Variants in ANXA10 observed in about 807,000 individuals in gnomAD.
ANXA10 encodes the protein annexin A10.
A neutral mutation model predicts 53.5 loss-of-function variants in ANXA10; 49 were observed. The ratio of observed to expected loss-of-function variants is 0.92; its 90% CI spans 0.73 to 1.16. The LOEUF (loss-of-function observed/expected upper bound fraction) is 1.16, where lower values mean the gene tolerates loss of function less well. Among genes scored for constraint, ANXA10 ranks in the 50% most tolerant of loss-of-function variants. The pLI is 0.00. For missense variants in ANXA10, 393 were observed against 394.4 expected, an observed-to-expected ratio of 1.00 and a Z score of 0.03; for synonymous variants, 131 against 128.9, an observed-to-expected ratio of 1.02 and a Z score of -0.11.
intron 1 of ANXA10, among the ~76,000 whole-genome samples, chr4:168,103,310 G>A (rs77965999): frequency 3.3e-5 from 5 of 151,730 alleles, no homozygotes; most frequent in Non-Finnish European, 5.9e-5. Flanking sequence ...TTCTATTAAG[G>A]TCTATGACAA....
chr4:168,092,601 G>T lies in ANXA10; in HGVS notation c.-100G>T, dbSNP rs1348065471. 4 of 1,202,288 alleles carry T rather than the reference G, an allele frequency of 3.3e-6. No individual in the cohort carries two copies. The highest frequency in any genetic ancestry group is 1.3e-5 in the South Asian group (1 of 74,222). 74.5% of individuals were successfully genotyped at this position (1,202,288 alleles called of 1,614,324 possible). A position where few individuals can be genotyped will look rare whatever the true frequency, so the allele number is the denominator to read the frequency against. ...GTGAACAGTGAACATATTTACATTT[G>T]ATTTAACAGTGAACCTTAATTCTTT... On this transcript the variant is annotated 5_prime_UTR_variant, in exon 1 of 12. Transcript: ENST00000359299.
chr4:168,156,047 T>C (rs184669402), intron 3 of ANXA10, among the ~76,000 whole-genome samples: 1,278 of 50,368 alleles, frequency 0.025, 51 homozygotes, highest in African/African-American at 0.094. Context: ...TTATATTATA[T>C]ATTATATATT....
chr4:168,145,123 A>C (rs1731385964), intron 3 of ANXA10, among the ~76,000 whole-genome samples: 1 of 152,104 alleles, frequency 6.6e-6, no homozygotes. Context: ...GGGCCGCAAG[A>C]CCAGATGAGC....
At chr4:168,127,573 A>G (rs1359409426) in intron 1 of ANXA10, among the ~76,000 whole-genome samples, 2 of 152,008 alleles carry the variant, frequency 1.3e-5, no homozygotes, top group African/African-American at 4.8e-5. Context: ...TCAAGAAGAT[A>G]TATATTATTA....
At position 168,098,768 on chromosome 4, in the gene ANXA10, T is replaced by A; in HGVS notation, c.18+6050T>A. ...TACTTTTATTTATGTCCTCTAGACA[T>A]TCTGGGTAATTATGCTGGAAGGAAC... On this transcript the variant is annotated intron_variant, in intron 1 of 11. Coordinates refer to ENST00000359299, the MANE Select transcript of ANXA10 (RefSeq NM_007193.5). Among the ~76,000 whole-genome samples, 2 of 151,968 alleles carry A rather than the reference T, an allele frequency of 1.3e-5. 1 individual carries two copies. The highest frequency in any genetic ancestry group is 2.9e-5 in the Non-Finnish European group (2 of 67,978).
At chr4:168,149,539 G>GT (rs1450117748) in intron 3 of ANXA10, among the ~76,000 whole-genome samples, 1 of 152,030 alleles carries the variant, frequency 6.6e-6, no homozygotes, top group African/African-American at 2.4e-5. Context: ...TTGTTGCAGA[G>GT]TCCACTATAT....
At chr4:168,173,244 T>G (rs1166144709) in intron 6 of ANXA10, among the ~76,000 whole-genome samples, 1 of 152,198 alleles carries the variant, frequency 6.6e-6, no homozygotes, top group East Asian at 1.9e-4. Flanking sequence ...TAAGAAAAGC[T>G]AATGGGTATG....
chr4:168,102,271 A>G (rs1275619442), intron 1 of ANXA10, among the ~76,000 whole-genome samples: 2 of 152,002 alleles, frequency 1.3e-5, no homozygotes, highest in African/African-American at 4.8e-5. Context: ...ATTTTGTTAA[A>G]CTTACATTTA....
intron 1 of ANXA10, among the ~76,000 whole-genome samples, chr4:168,105,010 G>A (rs1730697077): frequency 6.6e-6 from 1 of 151,848 alleles, no homozygotes; most frequent in Non-Finnish European, 1.5e-5. Context: ...TGGCAGACTT[G>A]TGTGATAAAT....
At chr4:168,107,259 C>CA (rs1730733735) in intron 1 of ANXA10, among the ~76,000 whole-genome samples, 1 of 152,018 alleles carries the variant, frequency 6.6e-6, no homozygotes, top group African/African-American at 2.4e-5. Context: ...TAAAAGGGGG[C>CA]AACAGAGTAA....
chr4:168,148,932 C>G (rs1314671404), intron 3 of ANXA10, among the ~76,000 whole-genome samples: 1 of 151,746 alleles, frequency 6.6e-6, no homozygotes, highest in East Asian at 1.9e-4. Flanking sequence ...AGTTATTTTC[C>G]CCTACATCTT....
In ANXA10 at chr4:168,131,477, T is replaced by G. The variant is rs1211873188; in HGVS notation, c.100+3312T>G. On this transcript the variant is annotated intron_variant, in intron 2 of 11. Coordinates refer to ENST00000359299, the MANE Select transcript of ANXA10 (RefSeq NM_007193.5). ...GCAATAAGCATTCTATAGATGTTAATTAAATCCAGTTGATTGATGGTGCTG... is the reference window on the plus strand; with the variant it reads ...GCAATAAGCATTCTATAGATGTTAAGTAAATCCAGTTGATTGATGGTGCTG... 2.0e-5 allele frequency among the ~76,000 whole-genome samples: 3 copies of G among 152,076 alleles called. No individual in the cohort carries two copies. The East Asian group carries it at 5.8e-4, about 29-fold the overall frequency.
chr4:168,131,242 A>T (rs1731152503), intron 2 of ANXA10, among the ~76,000 whole-genome samples: 1 of 151,968 alleles, frequency 6.6e-6, no homozygotes, highest in African/African-American at 2.4e-5. Flanking sequence ...GTGTATTTAG[A>T]AGTGTGCTGT....
chr4:168,122,505 G>C (rs914683447), intron 1 of ANXA10, among the ~76,000 whole-genome samples: 3 of 152,152 alleles, frequency 2.0e-5, no homozygotes, highest in Admixed American at 1.3e-4. Flanking sequence ...GTATTAGGCC[G>C]TTCTTACATT....
chr4:168,111,773 C>T (rs1341231533), intron 1 of ANXA10, among the ~76,000 whole-genome samples: 1 of 152,112 alleles, frequency 6.6e-6, no homozygotes, highest in East Asian at 1.9e-4. Flanking sequence ...ATACTTATCA[C>T]TATTTTATTT....
chr4:168,187,245 A>G lies in ANXA10; in HGVS notation c.907-121A>G, dbSNP rs1010852348. ...TGTTAAACCTTTAGATGAGAAAAGTAAATAAGTTTAGAAAGGCTAATGGTC... is the reference window on the plus strand; with the variant it reads ...TGTTAAACCTTTAGATGAGAAAAGTGAATAAGTTTAGAAAGGCTAATGGTC... On this transcript the variant is annotated intron_variant, in intron 11 of 11. Coordinates refer to ENST00000359299, the MANE Select transcript of ANXA10 (RefSeq NM_007193.5). The G allele has an allele frequency of 9.7e-6, 5 of 518,006 alleles. No homozygotes were observed. In the African/African-American group the frequency reaches 9.9e-5, roughly 10 times the overall value. 32.1% of individuals were successfully genotyped at this position (518,006 alleles called of 1,614,324 possible).
At chr4:168,106,539 T>C (rs974965223) in intron 1 of ANXA10, among the ~76,000 whole-genome samples, 5 of 152,122 alleles carry the variant, frequency 3.3e-5, no homozygotes, top group African/African-American at 1.2e-4. Context: ...TTGAAATACA[T>C]ATCTCATTAA....
intron 1 of ANXA10, among the ~76,000 whole-genome samples, chr4:168,123,458 T>G (rs1222308344): frequency 1.3e-5 from 2 of 152,178 alleles, no homozygotes; most frequent in Non-Finnish European, 2.9e-5. Context: ...AGAGGGTTGA[T>G]TCTGGTTTAA....
At chr4:168,157,962 T>G (rs1417341204) in intron 3 of ANXA10, among the ~76,000 whole-genome samples, 3 of 152,206 alleles carry the variant, frequency 2.0e-5, no homozygotes, top group Non-Finnish European at 4.4e-5. Context: ...TTAATAGGAA[T>G]GCATTTGATG....
Sources: allele counts gnomAD v4.1 joint callset (sites outside exome capture counted in the v4.1 genomes callset), GRCh38; gene constraint gnomAD v4.1.1; transcripts MANE v1.5; gene names NCBI Gene and HGNC (gene_info 2026-07-23, HGNC 2026-07-21).